NDST4: variants seen among roughly 807,000 people sequenced by gnomAD.
The protein encoded by NDST4 is N-deacetylase and N-sulfotransferase 4, also known as N-heparan sulfate sulfotransferase 4.
NDST4 carries 63 observed loss-of-function variants against 100.8 expected under a neutral mutation model. That is an observed-to-expected ratio of 0.62 (90% CI 0.51 to 0.77). The LOEUF (loss-of-function observed/expected upper bound fraction) is 0.77. Among genes scored for constraint, NDST4 ranks in the 30% least tolerant of loss-of-function variants. The pLI is 0.00. For synonymous variants in NDST4, 377 were observed against 361.8 expected, an observed-to-expected ratio of 1.04 and a Z score of -0.48; for missense variants, 943 against 1,018.4, an observed-to-expected ratio of 0.93 and a Z score of 1.01.
chr4:114,961,926 TA>T (rs1370962245), intron 4 of NDST4, among the ~76,000 whole-genome samples: 2 of 152,000 alleles, frequency 1.3e-5, no homozygotes, highest in African/African-American at 4.8e-5. Flanking sequence ...TAATAGAGTT[TA>T]AAAAATACCC....
intron 4 of NDST4, among the ~76,000 whole-genome samples, chr4:114,960,078 A>C (rs1726228022): frequency 6.6e-6 from 1 of 152,218 alleles, no homozygotes; most frequent in African/African-American, 2.4e-5. Context: ...AAAATTAACT[A>C]TTCACTTCTC....
At chr4:114,900,054 T>A (rs912664491) in intron 6 of NDST4, among the ~76,000 whole-genome samples, 2 of 152,272 alleles carry the variant, frequency 1.3e-5, no homozygotes, top group African/African-American at 4.8e-5. Flanking sequence ...CTTGTGTGAG[T>A]TTTGGCAGAT....
intron 3 of NDST4, among the ~76,000 whole-genome samples, chr4:114,971,271 G>C (rs370158881): frequency 6.6e-6 from 1 of 151,834 alleles, no homozygotes; most frequent in East Asian, 1.9e-4. Context: ...TCTGATAATT[G>C]TTTATAATAT....
At chr4:114,986,788 T>TTATA (rs1236404282) in intron 2 of NDST4, among the ~76,000 whole-genome samples, 5 of 65,976 alleles carry the variant, frequency 7.6e-5, no homozygotes, top group African/African-American at 3.6e-4. Flanking sequence ...TGGTATCCAA[T>TTATA]TATACATATA....
chr4:114,832,982 A>G (rs558861729), intron 12 of NDST4, among the ~76,000 whole-genome samples: 204 of 151,620 alleles, frequency 1.3e-3, no homozygotes, highest in Non-Finnish European at 2.1e-3. Flanking sequence ...CAGATATTCA[A>G]GTCTTCCAGG....
intron 2 of NDST4, among the ~76,000 whole-genome samples, chr4:114,977,588 A>C (rs1436628652): frequency 2.0e-5 from 3 of 152,000 alleles, no homozygotes; most frequent in African/African-American, 7.2e-5. Context: ...TTGGATTATT[A>C]TACTTCCTTT....
chr4:114,848,417 G>A (rs1723602264), intron 8 of NDST4, 79 bp from the exon 9 acceptor site: 3 of 1,150,662 alleles, frequency 2.6e-6, no homozygotes, highest in Non-Finnish European at 3.6e-6. Flanking sequence ...TGCTCAAAAA[G>A]TAATATTAAA....
intron 2 of NDST4, among the ~76,000 whole-genome samples, chr4:115,024,203 A>T (rs547575373): frequency 6.6e-6 from 1 of 152,150 alleles, no homozygotes; most frequent in African/African-American, 2.4e-5. Context: ...ACTCTAGAGA[A>T]TCCTCACTTG....
intron 10 of NDST4, among the ~76,000 whole-genome samples, chr4:114,842,466 A>T (rs1253601887): frequency 6.6e-6 from 1 of 151,782 alleles, no homozygotes; most frequent in South Asian, 2.1e-4. Context: ...ACGAACTCGG[A>T]TCAGCAAAAG....
intron 2 of NDST4, among the ~76,000 whole-genome samples, chr4:115,010,888 A>G (rs1416764089): frequency 6.6e-6 from 1 of 152,058 alleles, no homozygotes; most frequent in Non-Finnish European, 1.5e-5. Context: ...ATAAAAAGTT[A>G]TTGCTTAAAA....
Position 115,098,347 on chromosome 4 carries a change from A to C in NDST4, c.-247+15097T>G, listed in dbSNP as rs980228148. Reference sequence around the variant, plus strand: ...CTTCGATGTGAAGACTGACATGGTAAACATTTCCTTTTAGAAAGTTATCTT... The same window carrying C: ...CTTCGATGTGAAGACTGACATGGTACACATTTCCTTTTAGAAAGTTATCTT... On this transcript the variant is annotated intron_variant, in intron 1 of 13. Coordinates refer to ENST00000264363, the MANE Select transcript of NDST4 (RefSeq NM_022569.3). Among the ~76,000 whole-genome samples the C allele has an allele frequency of 2.6e-5, 4 of 152,176 alleles. No individual in the cohort carries two copies. The South Asian group carries it at 6.2e-4, about 24-fold the overall frequency.
At chr4:114,870,113 T>G (rs578256094) in intron 7 of NDST4, among the ~76,000 whole-genome samples, 26 of 152,246 alleles carry the variant, frequency 1.7e-4, no homozygotes, top group Non-Finnish European at 2.8e-4. Flanking sequence ...GGAGGCAACA[T>G]TTGCCTAGAT....
intron 6 of NDST4, among the ~76,000 whole-genome samples, chr4:114,924,047 T>A (rs1725339592): frequency 6.6e-6 from 1 of 152,078 alleles, no homozygotes; most frequent in African/African-American, 2.4e-5. Flanking sequence ...AAGATATATG[T>A]CTACACAATA....
intron 7 of NDST4, among the ~76,000 whole-genome samples, chr4:114,864,373 C>T (rs968261292): frequency 2.0e-5 from 3 of 152,186 alleles, no homozygotes; most frequent in Admixed American, 2.0e-4. Flanking sequence ...TTTTAAAACA[C>T]ATTTTTCCTT....
chr4:114,929,130 A>ATCTG, intron 6 of NDST4, among the ~76,000 whole-genome samples: 1 of 150,854 alleles, frequency 6.6e-6, no homozygotes, highest in East Asian at 2.0e-4. Context: ...CTATCTATCT[A>ATCTG]TCTATCTATC....
intron 4 of NDST4, among the ~76,000 whole-genome samples, chr4:114,947,766 A>G (rs1177839854): frequency 6.6e-6 from 1 of 152,058 alleles, no homozygotes; most frequent in Non-Finnish European, 1.5e-5. Flanking sequence ...GACTACATGT[A>G]AATATCTTGG....
chr4:115,013,895 T>C (rs567050082), intron 2 of NDST4, among the ~76,000 whole-genome samples: 33 of 152,168 alleles, frequency 2.2e-4, no homozygotes, highest in African/African-American at 7.7e-4. Context: ...TTAGTTTCAC[T>C]ATCAAGAACA....
intron 2 of NDST4, among the ~76,000 whole-genome samples, chr4:115,022,021 A>G (rs1361415371): frequency 2.0e-5 from 3 of 151,636 alleles, no homozygotes; most frequent in African/African-American, 7.3e-5. Context: ...CCATATCTCT[A>G]TGTTCCATAT....
chr4:114,916,290 G>T (rs1578386507), intron 6 of NDST4, among the ~76,000 whole-genome samples: 1 of 151,924 alleles, frequency 6.6e-6, no homozygotes, highest in African/African-American at 2.4e-5. Flanking sequence ...TTATGTAAGT[G>T]CCCCCACATG....
Sources: gnomAD v4.1 joint callset for allele counts (sites outside exome capture counted in the v4.1 genomes callset) on GRCh38, gnomAD v4.1.1 for gene constraint, MANE v1.5 for transcripts, NCBI Gene and HGNC (gene_info 2026-07-23, HGNC 2026-07-21) for gene names.